Variants in DAB1 observed in about 807,000 individuals in gnomAD.
DAB1 encodes DAB adaptor protein 1.
DAB1 carries 15 observed loss-of-function variants against 64.6 expected under a neutral mutation model. The observed-to-expected ratio is 0.23, with a 90% CI of 0.16 to 0.36. DAB1 has a LOEUF of 0.36. Ranked by LOEUF, DAB1 falls within the 10% of genes least tolerant of loss-of-function variation. The pLI is 1.00. For synonymous variants in DAB1, 235 were observed against 251.9 expected (o/e 0.93, Z 0.64); for missense variants, 596 against 706.7 (o/e 0.84, Z 1.78).
chr1:57,234,510 C>G (rs1043505357), intron 2 of DAB1, among the ~76,000 whole-genome samples: 4 of 151,982 alleles, frequency 2.6e-5, no homozygotes, highest in Admixed American at 2.6e-4. Context: ...CATAAAATAA[C>G]CCTATCAGGT....
At chr1:57,639,924 C>A (rs981418242) in intron 7 of DAB1, among the ~76,000 whole-genome samples, 1 of 152,138 alleles carries the variant, frequency 6.6e-6, no homozygotes, top group Non-Finnish European at 1.5e-5. Context: ...CTTCTAATTG[C>A]AGATAAAAGA....
chr1:58,063,285 G>A (rs1219985628), intron 5 of DAB1, among the ~76,000 whole-genome samples: 1 of 152,124 alleles, frequency 6.6e-6, no homozygotes, highest in East Asian at 1.9e-4. Flanking sequence ...ACTGAAGAGG[G>A]GTGTGAGTCA....
At chr1:58,407,278 C>T (rs1644625369) in intron 3 of DAB1, among the ~76,000 whole-genome samples, 2 of 152,172 alleles carry the variant, frequency 1.3e-5, no homozygotes, top group South Asian at 4.1e-4. Context: ...CACCCCTCAG[C>T]CCTTTAGTCT....
intron 7 of DAB1, among the ~76,000 whole-genome samples, chr1:57,618,152 C>T (rs953607839): frequency 2.0e-5 from 3 of 152,092 alleles, no homozygotes; most frequent in Non-Finnish European, 2.9e-5. Context: ...CGGTGGCTCA[C>T]GCCTGTAATC....
chr1:57,313,036 G>A (rs907920067), intron 1 of DAB1, among the ~76,000 whole-genome samples: 7 of 152,120 alleles, frequency 4.6e-5, no homozygotes, highest in African/African-American at 1.2e-4. Context: ...GGAAAAGAAG[G>A]TTTTGTGCAT....
intron 1 of DAB1, among the ~76,000 whole-genome samples, chr1:58,534,788 T>C (rs1457529448): frequency 1.3e-5 from 2 of 152,008 alleles, no homozygotes; most frequent in Admixed American, 6.6e-5. Flanking sequence ...CACAAAAAAT[T>C]AGCCAGGCGT....
chr1:58,150,353 A>T (rs571648420), intron 5 of DAB1, among the ~76,000 whole-genome samples: 115 of 152,334 alleles, frequency 7.5e-4, no homozygotes, highest in African/African-American at 2.6e-3. Flanking sequence ...GCAGCAGTTT[A>T]AATAAGCATC....
chr1:58,419,676 C>T (rs1331415534), intron 3 of DAB1, among the ~76,000 whole-genome samples: 3 of 152,182 alleles, frequency 2.0e-5, no homozygotes, highest in South Asian at 2.1e-4. Flanking sequence ...GCCATTCAAA[C>T]GCCCAATTTG....
At chr1:57,238,453 T>A (rs1170293092) in intron 2 of DAB1, among the ~76,000 whole-genome samples, 1 of 152,238 alleles carries the variant, frequency 6.6e-6, no homozygotes, top group African/African-American at 2.4e-5. Flanking sequence ...ATTTAGATGC[T>A]GCTATCTGTC....
intron 4 of DAB1, among the ~76,000 whole-genome samples, chr1:57,092,961 T>C (rs970750706): frequency 2.6e-5 from 4 of 152,152 alleles, no homozygotes; most frequent in Non-Finnish European, 5.9e-5. Flanking sequence ...AAAGGTGTGA[T>C]TGAGAAGGCG....
At chr1:57,352,152 CAGA>C (rs1483485318) in intron 1 of DAB1, among the ~76,000 whole-genome samples, 4 of 152,226 alleles carry the variant, frequency 2.6e-5, no homozygotes, top group East Asian at 1.9e-4. Context: ...GAAAAAGGAT[CAGA>C]AGAAGTGTCA....
chr1:58,359,708 A>ATAGCAAGGGGTGAGAGTGATC (rs869174294), intron 3 of DAB1, among the ~76,000 whole-genome samples: 2 of 12,240 alleles, frequency 1.6e-4, no homozygotes, highest in Non-Finnish European at 6.0e-4. Context: ...TGAGAGTGAT[A>ATAGCAAGGGGTGAGAGTGATC]ATTAACAATG....
intron 7 of DAB1, among the ~76,000 whole-genome samples, chr1:57,430,851 T>C (rs1685477730): frequency 6.6e-6 from 1 of 151,554 alleles, no homozygotes. Flanking sequence ...ATTTTAAAAA[T>C]ATGTTTACTG....
chr1:58,289,637 G>C (rs933190981), intron 4 of DAB1, among the ~76,000 whole-genome samples: 4 of 152,156 alleles, frequency 2.6e-5, no homozygotes, highest in African/African-American at 7.2e-5. Context: ...AATAAGAGAA[G>C]CTCTTCTTCC....
chr1:58,390,211 GAC>G (rs1644465107), intron 3 of DAB1, among the ~76,000 whole-genome samples: 1 of 152,070 alleles, frequency 6.6e-6, no homozygotes, highest in Non-Finnish European at 1.5e-5. Context: ...CCAGGCGGAA[GAC>G]ACACACACAT....
At chr1:58,401,207 G>A (rs577756904) in intron 3 of DAB1, among the ~76,000 whole-genome samples, 3 of 152,262 alleles carry the variant, frequency 2.0e-5, no homozygotes, top group Admixed American at 6.5e-5. Flanking sequence ...AGTCCTTCCC[G>A]TGTCCTGGAA....
At chr1:57,069,486 G>T in intron 7 of DAB1, 61 bp from the exon 8 acceptor site, 1 of 1,408,320 alleles carries the variant, frequency 7.1e-7, no homozygotes, top group Non-Finnish European at 1.0e-6. Flanking sequence ...GGTAAAACAA[G>T]CATTTGGAAA....
intron 5 of DAB1, among the ~76,000 whole-genome samples, chr1:57,891,319 C>T (rs967126268): frequency 1.3e-5 from 2 of 152,150 alleles, no homozygotes; most frequent in African/African-American, 2.4e-5. Context: ...TACCATCTCA[C>T]GCCAGTTAGA....
intron 5 of DAB1, among the ~76,000 whole-genome samples, chr1:57,940,943 CA>C (rs1645095523): frequency 1.3e-5 from 2 of 152,196 alleles, no homozygotes; most frequent in East Asian, 3.8e-4. Flanking sequence ...ATACCTAATA[CA>C]ATACATGCTT....
Sources: allele counts gnomAD v4.1 joint callset (sites outside exome capture counted in the v4.1 genomes callset), GRCh38; gene constraint gnomAD v4.1.1; transcripts MANE v1.5; gene names NCBI Gene and HGNC (gene_info 2026-07-23, HGNC 2026-07-21).